ARHGAP26: variants seen among roughly 807,000 people sequenced by gnomAD.
ARHGAP26 encodes the protein Rho GTPase activating protein 26.
In ARHGAP26, 38 loss-of-function variants were observed where a neutral mutation model predicts 104.8. The ratio of observed to expected loss-of-function variants is 0.36; its 90% CI spans 0.28 to 0.48. The LOEUF is 0.48. ARHGAP26 is among the 20% of genes least tolerant of loss of function. The pLI is 0.99. For missense variants in ARHGAP26, 704 were observed against 947.9 expected, an observed-to-expected ratio of 0.74 and a Z score of 3.38; for synonymous variants, 341 against 340.0, an observed-to-expected ratio of 1.00 and a Z score of -0.03.
At chr5:142,778,180 C>T (rs1216359490) in intron 1 of ARHGAP26, among the ~76,000 whole-genome samples, 1 of 152,114 alleles carries the variant, frequency 6.6e-6, no homozygotes, top group Non-Finnish European at 1.5e-5. Context: ...ATATTTTTGG[C>T]CTGAGCAGTT....
chr5:143,007,193 C>T (rs1264127629), intron 11 of ARHGAP26, among the ~76,000 whole-genome samples: 2 of 115,306 alleles, frequency 1.7e-5, no homozygotes, highest in Non-Finnish European at 3.5e-5. Context: ...ACTCTGTCTC[C>T]GAAAAAAAAA....
At chr5:143,061,238 G>A (rs1367241514) in intron 17 of ARHGAP26, among the ~76,000 whole-genome samples, 3 of 152,166 alleles carry the variant, frequency 2.0e-5, no homozygotes, top group Non-Finnish European at 4.4e-5. Context: ...ATCAGGTGGA[G>A]CAGGACACGA....
chr5:143,044,428 C>T (rs1299947903), intron 14 of ARHGAP26, among the ~76,000 whole-genome samples: 3 of 152,112 alleles, frequency 2.0e-5, no homozygotes, highest in Admixed American at 1.3e-4. Flanking sequence ...GAAGAAAGTG[C>T]CTTTCTTGAC....
chr5:142,948,081 A>G (rs1158341187), intron 11 of ARHGAP26, among the ~76,000 whole-genome samples: 1 of 152,172 alleles, frequency 6.6e-6, no homozygotes, highest in African/African-American at 2.4e-5. Context: ...AGAGAACCCA[A>G]GAGCATGTTT....
intron 11 of ARHGAP26, among the ~76,000 whole-genome samples, chr5:143,002,481 C>T (rs3822399): frequency 0.093 from 14,201 of 152,096 alleles, 1,235 homozygotes; most frequent in African/African-American, 0.22. Context: ...TCTCTCCTCT[C>T]ACCATGAAAA....
intron 1 of ARHGAP26, among the ~76,000 whole-genome samples, chr5:142,866,327 A>G (rs1280175163): frequency 6.6e-6 from 1 of 152,186 alleles, no homozygotes; most frequent in East Asian, 1.9e-4. Context: ...AGAGAGACCA[A>G]GTTTCTTACA....
intron 1 of ARHGAP26, among the ~76,000 whole-genome samples, chr5:142,813,677 T>G (rs1285848398): frequency 6.6e-6 from 1 of 152,258 alleles, no homozygotes; most frequent in Non-Finnish European, 1.5e-5. Flanking sequence ...CTGCTGTGCC[T>G]GTGTCCTAAT....
chr5:143,123,964 A>G (rs895993601), intron 18 of ARHGAP26, among the ~76,000 whole-genome samples: 8 of 151,234 alleles, frequency 5.3e-5, no homozygotes, highest in Admixed American at 5.3e-4. Context: ...CTGTAATAGA[A>G]ACACACACAC....
chr5:142,956,318 G>A (rs1298153608), intron 11 of ARHGAP26, among the ~76,000 whole-genome samples: 1 of 152,144 alleles, frequency 6.6e-6, no homozygotes, highest in African/African-American at 2.4e-5. Context: ...GCTCATGCCT[G>A]TAATCCCAGC....
chr5:143,102,718 G>A (rs1054786036), intron 17 of ARHGAP26, among the ~76,000 whole-genome samples: 1 of 152,142 alleles, frequency 6.6e-6, no homozygotes, highest in African/African-American at 2.4e-5. Context: ...CACTAATAAC[G>A]TTCTCTGCAT....
chr5:143,079,362 C>T (rs1383909234), intron 17 of ARHGAP26, among the ~76,000 whole-genome samples: 1 of 152,186 alleles, frequency 6.6e-6, no homozygotes, highest in Non-Finnish European at 1.5e-5. Context: ...CTGTTTCCAG[C>T]GTCCTCTATG....
intron 11 of ARHGAP26, among the ~76,000 whole-genome samples, chr5:142,959,773 A>G (rs1769903071): frequency 6.6e-6 from 1 of 152,220 alleles, no homozygotes; most frequent in East Asian, 1.9e-4. Flanking sequence ...GTATCTGCAA[A>G]ACCCCTTCAC....
chr5:143,121,215 C>A, intron 18 of ARHGAP26, 68 bp downstream of exon 18: 1 of 1,524,844 alleles, frequency 6.6e-7, no homozygotes, highest in Non-Finnish European at 8.9e-7. Flanking sequence ...AATTGACCTT[C>A]AGAGTTGGCT....
intron 1 of ARHGAP26, among the ~76,000 whole-genome samples, chr5:142,850,685 A>G (rs1411612322): frequency 1.4e-4 from 21 of 152,226 alleles, no homozygotes; most frequent in Admixed American, 1.3e-3. Flanking sequence ...TGTCAGACAC[A>G]TAGTAGGTCC....
At chr5:142,771,509 G>C in intron 1 of ARHGAP26, 2 of 931,400 alleles carry the variant, frequency 2.1e-6, no homozygotes, top group Non-Finnish European at 2.8e-6. Context: ...TCTGGAATCA[G>C]TACGTGCGCA....
At chr5:142,970,866 C>T (rs557221106) in intron 11 of ARHGAP26, among the ~76,000 whole-genome samples, 3 of 152,182 alleles carry the variant, frequency 2.0e-5, no homozygotes, top group Admixed American at 2.0e-4. Context: ...CTGGAGAAGG[C>T]GATGTTTAAC....
intron 2 of ARHGAP26, 181 bp from the exon 3 acceptor site, chr5:142,874,929 A>C (rs1326103097): frequency 1.7e-6 from 1 of 582,298 alleles, no homozygotes; most frequent in East Asian, 2.9e-5. Context: ...ATTAACCTGC[A>C]TTTCTGGGTC....
Position 143,014,065 on chromosome 5 carries a change from AT to A in ARHGAP26, c.1108-10del. On this transcript the variant is annotated splice_polypyrimidine_tract_variant and intron_variant, in intron 11 of 22. Transcript: ENST00000645722. The stretch of plus-strand genomic sequence containing the variant: ...ATAAAATGCACATAAGTGAATTTTT[AT>A]TTTTATTTTCCAGGTCTACAACTCG... The A allele has an allele frequency of 6.2e-7, 1 of 1,613,968 alleles. No individual in the cohort carries two copies. The highest frequency in any genetic ancestry group is 1.3e-5 in the African/African-American group (1 of 75,070).
At chr5:143,096,392 C>A (rs1178356276) in intron 17 of ARHGAP26, among the ~76,000 whole-genome samples, 1 of 152,172 alleles carries the variant, frequency 6.6e-6, no homozygotes. Context: ...TTACTGTTTT[C>A]CTTAAAGTAG....
Sources: allele counts gnomAD v4.1 joint callset (sites outside exome capture counted in the v4.1 genomes callset), GRCh38; gene constraint gnomAD v4.1.1; transcripts MANE v1.5; gene names NCBI Gene and HGNC (gene_info 2026-07-23, HGNC 2026-07-21).